Variants in SLC39A8 observed in about 807,000 individuals in gnomAD.
SLC39A8 encodes the protein solute carrier family 39 member 8.
In SLC39A8, 15 loss-of-function variants were observed where a neutral mutation model predicts 40.4. The observed-to-expected ratio is 0.37, with a 90% CI of 0.25 to 0.57. SLC39A8 has a LOEUF of 0.57. SLC39A8 is among the 20% of genes least tolerant of loss of function. The probability of loss-of-function intolerance (pLI) is 0.75; values close to 1 mark genes in which losing one functional copy is unlikely to be tolerated. For synonymous variants in SLC39A8, 223 were observed against 221.6 expected (o/e 1.01, Z -0.06); for missense variants, 472 against 558.8 (o/e 0.84, Z 1.57).
chr4:102,263,108 A>G lies in SLC39A8; in HGVS notation c.1319T>C (p.Met440Thr). 6.2e-7 allele frequency: 1 copy of G among 1,613,824 alleles called. No homozygotes were observed. The highest frequency in any genetic ancestry group is 8.5e-7 in the Non-Finnish European group (1 of 1,179,756). ...TAGAATGGCTGTGAATCCAGTTAAC[A>G]TTCCAGCATTCTGAATCATGAAGAA... ...FTFFMIQNAG[M>T]LTGFTAILLI... is the part of the protein sequence containing the mutation. Residue 440 changes from methionine (M) to threonine (T), a missense_variant, in exon 9 of 9, where the codon ATG (methionine) becomes ACG (threonine). Met to Thr is a moderately conservative substitution (Grantham distance 81). Transcript: ENST00000356736.
intron 6 of SLC39A8, among the ~76,000 whole-genome samples, chr4:102,292,188 A>T (rs1733476491): frequency 6.6e-6 from 1 of 152,044 alleles, no homozygotes; most frequent in Non-Finnish European, 1.5e-5. Flanking sequence ...AAAAAAGTAG[A>T]CTTTACATGC....
intron 11 of SLC39A8, chr4:102,253,543 C>G: frequency 1.9e-6 from 1 of 519,126 alleles, no homozygotes. Flanking sequence ...CTAATCACAT[C>G]TATTAGCTTT....
rs574008883 is a variant in SLC39A8 at position 102,332,408 on chromosome 4, A to G, written c.219+12036T>C. Among the ~76,000 whole-genome samples, 264 of 152,368 alleles carry G rather than the reference A, an allele frequency of 1.7e-3. 12 individuals are homozygous for G. In the South Asian group the frequency reaches 0.053, roughly 31 times the overall value. On this transcript the variant is annotated intron_variant, in intron 2 of 8. Transcript: ENST00000356736. ...ATTTATTTGGCCAAGAAACATATGA[A>G]AAAAAGCTCATCATCCACTGATTGT...
chr4:102,311,871 T>G (rs1348288770), intron 3 of SLC39A8, among the ~76,000 whole-genome samples: 2 of 152,096 alleles, frequency 1.3e-5, no homozygotes, highest in Non-Finnish European at 2.9e-5. Flanking sequence ...GACTTGACTC[T>G]TCATTAAGTG....
intron 2 of SLC39A8, among the ~76,000 whole-genome samples, chr4:102,320,327 T>C (rs1194633305): frequency 7.5e-6 from 1 of 132,454 alleles, no homozygotes; most frequent in African/African-American, 2.8e-5. Context: ...TATATGAGAA[T>C]GTATATATGA....
chr4:102,321,899 C>T (rs1369398924), intron 2 of SLC39A8, among the ~76,000 whole-genome samples: 1 of 152,214 alleles, frequency 6.6e-6, no homozygotes, highest in Non-Finnish European at 1.5e-5. Context: ...CTTGAGAATG[C>T]ATACACGATT....
Position 102,323,570 on chromosome 4 carries a change from T to C in SLC39A8, c.220-7740A>G, listed in dbSNP as rs1489891809. Among the ~76,000 whole-genome samples the C allele has an allele frequency of 2.6e-5, 4 of 152,172 alleles. No homozygotes were observed. The South Asian group carries it at 6.2e-4, about 24-fold the overall frequency. ...GAATAAATTTTATAAGCAATAGTTA[T>C]CATAAGAGTTCTGGGAAGCATATAA... On this transcript the variant is annotated intron_variant, in intron 2 of 8. Transcript: ENST00000356736.
intron 6 of SLC39A8, among the ~76,000 whole-genome samples, chr4:102,284,811 AT>A (rs938437495): frequency 7.3e-6 from 1 of 137,844 alleles, no homozygotes; most frequent in Non-Finnish European, 1.6e-5. Context: ...TAATCTCTAG[AT>A]TTGGGTGTTT....
intron 6 of SLC39A8, among the ~76,000 whole-genome samples, chr4:102,273,438 C>T (rs574075394): frequency 4.6e-5 from 7 of 152,304 alleles, no homozygotes; most frequent in East Asian, 1.9e-4. Context: ...GAAAGGCAGC[C>T]GCCCCAGTGA....
intron 2 of SLC39A8, among the ~76,000 whole-genome samples, chr4:102,342,957 C>G (rs1736008976): frequency 6.6e-6 from 1 of 152,212 alleles, no homozygotes; most frequent in Non-Finnish European, 1.5e-5. Context: ...CCATACCTAC[C>G]TGGAAATACT....
intron 2 of SLC39A8, among the ~76,000 whole-genome samples, chr4:102,342,558 C>T (rs1247261285): frequency 6.6e-6 from 1 of 152,170 alleles, no homozygotes; most frequent in Non-Finnish European, 1.5e-5. Flanking sequence ...GTAAATTTTC[C>T]TTGGCTTCCT....
intron 6 of SLC39A8, among the ~76,000 whole-genome samples, chr4:102,275,105 T>C (rs547231293): frequency 6.6e-6 from 1 of 152,206 alleles, no homozygotes; most frequent in African/African-American, 2.4e-5. Flanking sequence ...ATAACAATAT[T>C]AAGCTTATAT....
At chr4:102,288,441 T>A (rs1052758708) in intron 6 of SLC39A8, among the ~76,000 whole-genome samples, 1 of 152,106 alleles carries the variant, frequency 6.6e-6, no homozygotes, top group Non-Finnish European at 1.5e-5. Context: ...GAAATTATGC[T>A]AACTAATAAT....
Position 102,267,922 on chromosome 4 carries a change from C to T in SLC39A8, c.998G>A (p.Gly333Glu). 1 of 1,614,130 alleles carries T rather than the reference C, an allele frequency of 6.2e-7. No homozygotes were observed. Among genetic ancestry groups the T allele is most frequent in the Non-Finnish European group, 8.5e-7 (1 of 1,180,038 alleles). ...GASCTLSLLQ[G>E]LSTSIAILCE... ...TAGGATTGCTATGGAAGTACTGAGTCCCTGAAGGAGAGACAAGGTGCAGGA... is the reference window on the plus strand; with the variant it reads ...TAGGATTGCTATGGAAGTACTGAGTTCCTGAAGGAGAGACAAGGTGCAGGA... The change falls in exon 7 of 9, where the codon GGA (glycine) becomes GAA (glutamate). Residue 333 changes from glycine to glutamate, a missense_variant. Physicochemically the swap from Gly to Glu is moderately conservative, Grantham distance 98. Coordinates refer to ENST00000356736, the MANE Select transcript of SLC39A8 (RefSeq NM_001135146.2).
At chr4:102,286,070 C>T (rs1733166195) in intron 6 of SLC39A8, among the ~76,000 whole-genome samples, 1 of 152,112 alleles carries the variant, frequency 6.6e-6, no homozygotes, top group Non-Finnish European at 1.5e-5. Flanking sequence ...CTATTTTAGT[C>T]ATCCAACAAT....
chr4:102,319,197 G>C (rs561621682), intron 2 of SLC39A8, among the ~76,000 whole-genome samples: 36 of 152,282 alleles, frequency 2.4e-4, no homozygotes, highest in Non-Finnish European at 2.1e-4. Flanking sequence ...GTTTTTATGA[G>C]TCAGAAGTTT....
intron 8 of SLC39A8, among the ~76,000 whole-genome samples, chr4:102,266,895 C>T (rs1274579356): frequency 2.0e-5 from 3 of 152,128 alleles, no homozygotes; most frequent in East Asian, 1.9e-4. Context: ...CATGAGCCAC[C>T]GCACCCGGCC....
chr4:102,322,124 C>T (rs2149045501), intron 2 of SLC39A8, among the ~76,000 whole-genome samples: 1 of 152,272 alleles, frequency 6.6e-6, no homozygotes, highest in African/African-American at 2.4e-5. Flanking sequence ...TTTTGGTAAG[C>T]ATAGGAGCAG....
intron 6 of SLC39A8, among the ~76,000 whole-genome samples, chr4:102,302,218 C>T (rs1413326003): frequency 1.3e-5 from 2 of 151,966 alleles, no homozygotes; most frequent in Non-Finnish European, 2.9e-5. Flanking sequence ...GGAAAATCTT[C>T]CATCAGAGCA....
Sources: gnomAD v4.1 joint callset for allele counts (sites outside exome capture counted in the v4.1 genomes callset) on GRCh38, gnomAD v4.1.1 for gene constraint, MANE v1.5 for transcripts, NCBI Gene and HGNC (gene_info 2026-07-23, HGNC 2026-07-21) for gene names.